The following TP53BP1 variants were observed in gnomAD, a reference collection of about 807,000 sequenced individuals.
The protein encoded by TP53BP1 is tumor protein p53 binding protein 1.
Under a neutral mutation model 200.8 loss-of-function variants are expected in TP53BP1, and 61 were observed. The observed-to-expected ratio is 0.30, with a 90% CI of 0.25 to 0.38. The LOEUF is 0.38. TP53BP1 is among the 10% of genes least tolerant of loss of function. The probability of loss-of-function intolerance (pLI) is 1.00; values close to 1 mark genes in which losing one functional copy is unlikely to be tolerated. For synonymous variants in TP53BP1, 822 were observed against 844.3 expected (o/e 0.97, Z 0.46); for missense variants, 2,144 against 2,371.9 (o/e 0.90, Z 2.00).
At chr15:43,413,005 T>C in intron 24 of TP53BP1, 114 bp downstream of exon 24, 15 of 925,670 alleles carry the variant, frequency 1.6e-5, no homozygotes, top group East Asian at 2.6e-5. Context: ...AAGATCCCAG[T>C]TGCTACTTGC....
intron 26 of TP53BP1, 196 bp downstream of exon 26, chr15:43,408,701 T>G (rs2045010554): frequency 1.7e-6 from 1 of 587,794 alleles, no homozygotes; most frequent in East Asian, 2.9e-5. Flanking sequence ...TCTTCACACA[T>G]TTGCAAAAGG....
intron 24 of TP53BP1, 36 bp from the exon 25 acceptor site, chr15:43,409,777 G>GA: frequency 8.9e-7 from 1 of 1,124,914 alleles, no homozygotes; most frequent in East Asian, 2.7e-5. Context: ...AATAATTACT[G>GA]AGTGGTTTTC....
chr15:43,469,918 C>A lies in TP53BP1; in HGVS notation c.1329G>T (p.Gln443His). The A allele has an allele frequency of 6.2e-7, 1 of 1,614,002 alleles. No homozygotes were observed. Among genetic ancestry groups the A allele is most frequent in the Non-Finnish European group, 8.5e-7 (1 of 1,180,030 alleles). ...VSPQASTPIS[Q>H]STPVFPPGSL... ...ACCCAGGAGGGAAGACTGGTGTGCT[C>A]TGAGATATTGGTGTTGAGGCTTGTG... Residue 443 changes from glutamine to histidine, a missense_variant, in exon 11 of 28, where the codon CAG becomes CAT. Gln to His is a conservative substitution (Grantham distance 24). Transcript: ENST00000382044.
upstream of TP53BP1, among the ~76,000 whole-genome samples, chr15:43,495,172 G>A (rs995027852): frequency 2.0e-5 from 3 of 150,568 alleles, no homozygotes; most frequent in Admixed American, 6.6e-5. Flanking sequence ...GCCTGGGCAA[G>A]AGAGTGAGAC....
chr15:43,422,130 C>A lies in TP53BP1; in HGVS notation c.3829-4G>T, dbSNP rs766837291. On this transcript the variant is annotated splice_polypyrimidine_tract_variant and splice_region_variant and intron_variant, in intron 18 of 27. Coordinates refer to ENST00000382044, the MANE Select transcript of TP53BP1 (RefSeq NM_001141980.3). Reference sequence around the variant, plus strand: ...CTACAATTGGCTCTTCAGTCTCCTGCAAGGAAAAAATAGATACAGAAGATA... The same window carrying A: ...CTACAATTGGCTCTTCAGTCTCCTGAAAGGAAAAAATAGATACAGAAGATA... The A allele has an allele frequency of 6.2e-7, 1 of 1,608,808 alleles. No individual in the cohort carries two copies. Among genetic ancestry groups the A allele is most frequent in the East Asian group, 2.2e-5 (1 of 44,838 alleles).
At chr15:43,485,332 C>A (rs1214347324) in intron 4 of TP53BP1, among the ~76,000 whole-genome samples, 1 of 151,892 alleles carries the variant, frequency 6.6e-6, no homozygotes, top group Non-Finnish European at 1.5e-5. Flanking sequence ...AATCCCAGCA[C>A]TTTGGGAGGC....
intron 8 of TP53BP1, among the ~76,000 whole-genome samples, chr15:43,477,299 C>CAAAAAAAA (rs59711190): frequency 1.0e-5 from 1 of 99,472 alleles, no homozygotes. Context: ...GACTCCATCT[C>CAAAAAAAA]AAAAAAAAAA....
chr15:43,417,681 G>C (rs1393231305), intron 21 of TP53BP1, among the ~76,000 whole-genome samples: 1 of 152,086 alleles, frequency 6.6e-6, no homozygotes. Context: ...CCTGAAAGAA[G>C]AACGAATGCA....
chr15:43,456,517 A>G lies in TP53BP1; in HGVS notation c.2091T>C (p.Ser697=). The change falls in exon 12 of 28, where the codon TCT becomes TCC. Residue 697 remains serine (S), a synonymous_variant. Transcript: ENST00000382044. The part of the protein sequence containing the change: ...ENMESVPLHL[S]LTETQSQGLC... ...ACCCTTGGGACTGAGTTTCAGTCAGAGAAAGGTGCAACGGAACACTCTCCA... is the reference window on the plus strand; with the variant it reads ...ACCCTTGGGACTGAGTTTCAGTCAGGGAAAGGTGCAACGGAACACTCTCCA... 2 of 1,598,016 alleles carry G rather than the reference A, an allele frequency of 1.3e-6. No individual in the cohort carries two copies. The highest frequency in any genetic ancestry group is 1.7e-6 in the Non-Finnish European group (2 of 1,172,924).
intron 10 of TP53BP1, among the ~76,000 whole-genome samples, chr15:43,472,337 T>C (rs1243251483): frequency 6.6e-6 from 1 of 152,228 alleles, no homozygotes; most frequent in African/African-American, 2.4e-5. Flanking sequence ...ATACCATTAC[T>C]TGTATATGAA....
intron 1 of TP53BP1, among the ~76,000 whole-genome samples, chr15:43,498,601 C>G (rs2079193263): frequency 6.6e-6 from 1 of 152,128 alleles, no homozygotes; most frequent in African/African-American, 2.4e-5. Flanking sequence ...AAGAAATGTT[C>G]TAGATTTGAG....
At chr15:43,469,832 G>A (rs373861202) in intron 11 of TP53BP1, 26 bp downstream of exon 11, 1 of 1,575,666 alleles carries the variant, frequency 6.3e-7, no homozygotes, top group South Asian at 1.1e-5. Context: ...TATGTTAGGA[G>A]AAACAACTCT....
chr15:43,411,973 A>C (rs1246567691), intron 24 of TP53BP1, among the ~76,000 whole-genome samples: 1 of 152,062 alleles, frequency 6.6e-6, no homozygotes, highest in African/African-American at 2.4e-5. Context: ...GCCATGACAC[A>C]CCTCTATGCA....
chr15:43,475,890 C>A (rs111755990), intron 8 of TP53BP1, among the ~76,000 whole-genome samples, 196 bp from the exon 9 acceptor site: 1 of 152,146 alleles, frequency 6.6e-6, no homozygotes, highest in African/African-American at 2.4e-5. Context: ...CATTAACCAC[C>A]CCCGCAATGG....
rs147871514 is a variant in TP53BP1, at chr15:43,500,229, C to T, written c.-8-7761G>A. ...CATCTCTTCTACCAAGTCTACTCCA[C>T]CTGCAGCCTTCCCCATCTCAGTTGA... On this transcript the variant is annotated intron_variant, in intron 1 of 27. Transcript: ENST00000263801. Among the ~76,000 whole-genome samples the T allele has an allele frequency of 2.6e-5, 4 of 152,344 alleles. No homozygotes were observed. In the East Asian group the frequency reaches 7.7e-4, roughly 29 times the overall value.
At chr15:43,437,027 C>T (rs2045814733) in intron 16 of TP53BP1, among the ~76,000 whole-genome samples, 1 of 151,898 alleles carries the variant, frequency 6.6e-6, no homozygotes, top group Non-Finnish European at 1.5e-5. Flanking sequence ...GACACGGCAG[C>T]ACATGCCTGT....
At chr15:43,469,743 A>G in intron 11 of TP53BP1, 115 bp downstream of exon 11, 1 of 918,690 alleles carries the variant, frequency 1.1e-6, no homozygotes, top group South Asian at 1.7e-5. Context: ...ATTTACTAAA[A>G]TATCACAAAA....
chr15:43,441,249 G>A (rs185993072), intron 15 of TP53BP1: 29 of 306,368 alleles, frequency 9.5e-5, no homozygotes, highest in African/African-American at 6.2e-4. Context: ...GGAGACTCTT[G>A]TATCAGCAAC....
rs777512353 is a variant in TP53BP1 at position 43,420,579 on chromosome 15, T to C, written c.4407A>G (p.Glu1469=). ...AGALRRSDSP[E]IPFQAAAGPS... ...GGCCAGCAGCAGCCTGGAAAGGAAT[T>C]TCTGGAGAGTCACTACGACGCAAAG... Residue 1469 remains glutamate, a synonymous_variant, in exon 21 of 28, where the codon GAA becomes GAG. Coordinates refer to ENST00000382044, the MANE Select transcript of TP53BP1 (RefSeq NM_001141980.3). 1.2e-6 allele frequency: 2 copies of C among 1,614,114 alleles called. No homozygotes were observed. The highest frequency in any genetic ancestry group is 3.3e-5 in the Admixed American group (2 of 60,018).
Sources: gnomAD v4.1 joint callset for allele counts (sites outside exome capture counted in the v4.1 genomes callset) on GRCh38, gnomAD v4.1.1 for gene constraint, MANE v1.5 for transcripts, NCBI Gene and HGNC (gene_info 2026-07-23, HGNC 2026-07-21) for gene names.